CHRM2: variants seen among roughly 807,000 people sequenced by gnomAD.
The protein encoded by CHRM2 is cholinergic receptor muscarinic 2, also known as muscarinic acetylcholine receptor M2.
Under a neutral mutation model 25.0 loss-of-function variants are expected in CHRM2, and 8 were observed. The observed-to-expected ratio is 0.32, with a 90% CI of 0.19 to 0.58. CHRM2 has a LOEUF of 0.58. Ranked by LOEUF, CHRM2 falls within the 20% of genes least tolerant of loss-of-function variation. The pLI is 0.88. For synonymous variants in CHRM2, 202 were observed against 205.7 expected (o/e 0.98, Z 0.15); for missense variants, 440 against 567.1 (o/e 0.78, Z 2.28).
At chr7:136,979,542 T>C (rs1031333209) in intron 2 of CHRM2, among the ~76,000 whole-genome samples, 2 of 152,202 alleles carry the variant, frequency 1.3e-5, no homozygotes, top group African/African-American at 4.8e-5. Flanking sequence ...CGTAATGGTA[T>C]TGCCTAGGTT....
chr7:136,872,202 T>C (rs1335054716), intron 2 of CHRM2, among the ~76,000 whole-genome samples: 2 of 152,180 alleles, frequency 1.3e-5, no homozygotes, highest in South Asian at 2.1e-4. Flanking sequence ...TGTTTGTTTG[T>C]AGAAGGGTGC....
At chr7:136,879,906 T>G (rs776693679) in intron 2 of CHRM2, among the ~76,000 whole-genome samples, 2 of 151,922 alleles carry the variant, frequency 1.3e-5, no homozygotes, top group Non-Finnish European at 2.9e-5. Context: ...TTTCCTATCA[T>G]TGAAATGTTC....
At chr7:137,008,268 C>G (rs1219968098) in intron 3 of CHRM2, among the ~76,000 whole-genome samples, 1 of 152,044 alleles carries the variant, frequency 6.6e-6, no homozygotes, top group Non-Finnish European at 1.5e-5. Flanking sequence ...TAGGTGAACC[C>G]TTGCTTCCAA....
intron 2 of CHRM2, among the ~76,000 whole-genome samples, chr7:136,950,321 T>A (rs941900802): frequency 6.6e-6 from 1 of 152,004 alleles, no homozygotes; most frequent in African/African-American, 2.4e-5. Flanking sequence ...TGTAGGACAA[T>A]AGAGATACAA....
intron 2 of CHRM2, chr7:136,902,933 T>C (rs1797311049): frequency 2.9e-6 from 1 of 345,700 alleles, no homozygotes; most frequent in South Asian, 2.4e-5. Context: ...TTTTGCTTGT[T>C]TCCTTGTTCA....
At chr7:137,004,041 C>T (rs1304799150) in intron 3 of CHRM2, among the ~76,000 whole-genome samples, 5 of 152,240 alleles carry the variant, frequency 3.3e-5, no homozygotes, top group East Asian at 1.9e-4. Flanking sequence ...ATAAGTTACA[C>T]GGTCTTGGGT....
At chr7:136,871,197 G>A (rs2278098) in intron 2 of CHRM2, 9,840 of 153,512 alleles carry the variant, frequency 0.064, 350 homozygotes, top group East Asian at 0.1. Flanking sequence ...AAACCCTGGG[G>A]CAACCCGAAA....
chr7:137,008,992 T>C (rs1804631966), intron 3 of CHRM2, among the ~76,000 whole-genome samples: 1 of 152,104 alleles, frequency 6.6e-6, no homozygotes, highest in Admixed American at 6.6e-5. Flanking sequence ...ATCATTATCA[T>C]CTGTACAACT....
intron 2 of CHRM2, among the ~76,000 whole-genome samples, chr7:136,929,956 A>C (rs1308230059): frequency 2.0e-5 from 3 of 152,138 alleles, no homozygotes; most frequent in Non-Finnish European, 4.4e-5. Context: ...AATGAAATGA[A>C]ATGATTAATA....
At chr7:136,945,949 T>C (rs898278201) in intron 2 of CHRM2, among the ~76,000 whole-genome samples, 2 of 152,136 alleles carry the variant, frequency 1.3e-5, no homozygotes, top group East Asian at 1.9e-4. Flanking sequence ...GCAAATTCTA[T>C]ATAATATTTT....
At chr7:136,875,332 C>G (rs184244693) in intron 2 of CHRM2, among the ~76,000 whole-genome samples, 1 of 152,058 alleles carries the variant, frequency 6.6e-6, no homozygotes, top group Non-Finnish European at 1.5e-5. Context: ...TCAAGCTGCA[C>G]ATTTTTATTA....
chr7:136,907,996 T>A (rs181098572), intron 2 of CHRM2: 19 of 152,060 alleles, frequency 1.2e-4, no homozygotes, highest in Admixed American at 1.2e-3. Flanking sequence ...CATGAAAGAT[T>A]TGCAAAGAAA....
At chr7:136,915,899 T>C (rs1368571613) in intron 2 of CHRM2, among the ~76,000 whole-genome samples, 1 of 151,456 alleles carries the variant, frequency 6.6e-6, no homozygotes, top group Non-Finnish European at 1.5e-5. Flanking sequence ...TGAAAGTGCG[T>C]ATTGGAGAAT....
At chr7:136,985,526 A>G (rs1044324673) in intron 2 of CHRM2, among the ~76,000 whole-genome samples, 1 of 150,248 alleles carries the variant, frequency 6.7e-6, no homozygotes, top group South Asian at 2.1e-4. Context: ...AAAAAAAAAA[A>G]AACAAAAACA....
intron 2 of CHRM2, among the ~76,000 whole-genome samples, chr7:136,906,192 T>G (rs1343943713): frequency 6.6e-6 from 1 of 150,808 alleles, no homozygotes; most frequent in East Asian, 1.9e-4. Context: ...TGTATGTATA[T>G]ACGTATATAT....
intron 2 of CHRM2, among the ~76,000 whole-genome samples, chr7:136,937,349 GAATT>G (rs144356988): frequency 0.017 from 2,619 of 152,170 alleles, 42 homozygotes; most frequent in African/African-American, 0.045. Flanking sequence ...CTGAATGTAA[GAATT>G]AATTTCAGAA....
intron 2 of CHRM2, among the ~76,000 whole-genome samples, chr7:136,880,200 G>A (rs906194572): frequency 1.3e-5 from 2 of 151,616 alleles, no homozygotes; most frequent in Non-Finnish European, 3.0e-5. Context: ...ATTATTGGCA[G>A]CCTTGCTCTC....
chr7:136,910,650 C>T (rs1158239250), intron 2 of CHRM2, among the ~76,000 whole-genome samples: 1 of 151,900 alleles, frequency 6.6e-6, no homozygotes, highest in Non-Finnish European at 1.5e-5. Flanking sequence ...TCATTCTTTC[C>T]TCTCCCACCT....
intron 2 of CHRM2, among the ~76,000 whole-genome samples, chr7:136,985,523 A>C (rs1008378855): frequency 4.6e-4 from 69 of 150,940 alleles, no homozygotes; most frequent in Non-Finnish European, 8.4e-4. Flanking sequence ...AAAAAAAAAA[A>C]AAAAACAAAA....
Sources: allele counts gnomAD v4.1 joint callset (sites outside exome capture counted in the v4.1 genomes callset), GRCh38; gene constraint gnomAD v4.1.1; transcripts MANE v1.5; gene names NCBI Gene and HGNC (gene_info 2026-07-23, HGNC 2026-07-21).